The following DCAF6 variants were observed in gnomAD, a reference collection of about 807,000 sequenced individuals.
DCAF6 encodes DDB1- and CUL4-associated factor 6.
In DCAF6, 54 loss-of-function variants were observed where a neutral mutation model predicts 125.1. The observed-to-expected ratio is 0.43, with a 90% CI of 0.35 to 0.54. DCAF6 has a LOEUF of 0.54. DCAF6 is among the 20% of genes least tolerant of loss of function. The probability of loss-of-function intolerance (pLI) is 0.01; values close to 1 mark genes in which losing one functional copy is unlikely to be tolerated. For missense variants in DCAF6, 934 were observed against 1,161.7 expected (o/e 0.80, Z 2.85); for synonymous variants, 371 against 390.4 (o/e 0.95, Z 0.58).
At chr1:167,936,271 A>C (rs1271589061), upstream of DCAF6, 1 of 208,764 alleles carries the variant, frequency 4.8e-6, no homozygotes, top group Non-Finnish European at 9.8e-6. Context: ...ATGTTGGAGA[A>C]GGGAAAGTGA....
intron 13 of DCAF6, 88 bp from the exon 14 acceptor site, chr1:168,042,937 C>T: frequency 2.2e-6 from 2 of 901,148 alleles, no homozygotes; most frequent in East Asian, 2.6e-5. Context: ...ATTTTTTGGT[C>T]TACCTTTCTA....
In DCAF6 at chr1:167,966,837, T is replaced by G. The variant is rs1676490115; in HGVS notation, c.252+116T>G. 28 of 652,052 alleles carry G rather than the reference T, an allele frequency of 4.3e-5. 2 individuals carry two copies. The South Asian group carries it at 5.6e-4, about 13-fold the overall frequency. The allele number at this position is 652,052 out of a possible 1,614,324, so 40.4% of individuals were successfully genotyped here. On this transcript the variant is annotated intron_variant, in intron 3 of 21. Transcript: ENST00000367840. ...ATTTATATTAGAATATCCTCCCTAT[T>G]TTGCTGAGGTTTATTGTATAATTTA...
chr1:167,954,504 G>A (rs1396997279), intron 2 of DCAF6, among the ~76,000 whole-genome samples: 1 of 151,708 alleles, frequency 6.6e-6, no homozygotes, highest in African/African-American at 2.4e-5. Flanking sequence ...CCAGGCTGGA[G>A]TGCAGTGGCA....
rs1272172200 is a variant in DCAF6 at position 168,016,258 on chromosome 1, C to T, written c.1549+307C>T. On this transcript the variant is annotated intron_variant, in intron 11 of 21. Transcript: ENST00000367840. The stretch of plus-strand genomic sequence containing the variant: ...TTTGAATAATTAGTGAATTTAGAGC[C>T]TGCATTGATCTTTCTATTGAAAGTT... Among the ~76,000 whole-genome samples, 4 of 152,260 alleles carry T rather than the reference C, an allele frequency of 2.6e-5. 1 individual carries two copies. In the South Asian group the frequency reaches 8.3e-4, roughly 32 times the overall value.
chr1:168,037,733 A>G (rs1572046021), intron 12 of DCAF6, among the ~76,000 whole-genome samples: 1 of 152,210 alleles, frequency 6.6e-6, no homozygotes, highest in African/African-American at 2.4e-5. Flanking sequence ...ACAATTAAAC[A>G]AATTCCTTGC....
In DCAF6 at chr1:168,008,744, A is replaced by G. The variant is rs377137944; in HGVS notation, c.1378+3951A>G. On this transcript the variant is annotated intron_variant, in intron 10 of 21. Coordinates refer to ENST00000367840, the MANE Select transcript of DCAF6 (RefSeq NM_001198956.2). ...TGTCTCTCTAGCCTCATCTCATTCA[A>G]TTTTCTCAGTACTTGATGATTGTTA... Among the ~76,000 whole-genome samples, 17 of 151,836 alleles carry G rather than the reference A, an allele frequency of 1.1e-4. No individual in the cohort carries two copies. The South Asian group carries it at 1.5e-3, about 13-fold the overall frequency.
intron 2 of DCAF6, among the ~76,000 whole-genome samples, chr1:167,965,650 CAG>C (rs1302614868): frequency 6.6e-6 from 1 of 151,944 alleles, no homozygotes; most frequent in Non-Finnish European, 1.5e-5. Context: ...TTTTTTGAGA[CAG>C]AGTCTTGCTC....
At chr1:168,025,750 A>G (rs985186696) in intron 12 of DCAF6, among the ~76,000 whole-genome samples, 30 of 152,192 alleles carry the variant, frequency 2.0e-4, no homozygotes, top group African/African-American at 7.0e-4. Context: ...GCTATAGTCT[A>G]TTCTCTACCG....
chr1:167,942,100 T>C (rs905447842), intron 1 of DCAF6, among the ~76,000 whole-genome samples: 7 of 152,212 alleles, frequency 4.6e-5, no homozygotes, highest in African/African-American at 1.7e-4. Context: ...AGTTTCGCTC[T>C]TGTCGCCCAG....
chr1:168,068,956 G>T (rs1328968850), intron 21 of DCAF6, among the ~76,000 whole-genome samples: 1 of 149,960 alleles, frequency 6.7e-6, no homozygotes, highest in East Asian at 1.9e-4. Flanking sequence ...TATAACAAAA[G>T]AAAAGGTCTA....
At position 168,075,471 on chromosome 1, in the gene DCAF6, AT is replaced by A. The variant is rs771987968; in HGVS notation, c.*39del. On this transcript the variant is annotated 3_prime_UTR_variant, in exon 22 of 22. Coordinates refer to ENST00000367840, the MANE Select transcript of DCAF6 (RefSeq NM_001198956.2). ...TTGGCAAGCACTTAAATGTTCTGAA[AT>A]TTGTATAAGACATTTATTATATTTT... 3 of 1,529,294 alleles carry A rather than the reference AT, an allele frequency of 2.0e-6. No individual in the cohort carries two copies. The South Asian group carries it at 3.8e-5, about 19-fold the overall frequency. The allele number at this position is 1,529,294 out of a possible 1,614,324, so 94.7% of individuals were successfully genotyped here.
intron 12 of DCAF6, among the ~76,000 whole-genome samples, chr1:168,033,035 CAT>C (rs369247764): frequency 5.3e-5 from 8 of 151,758 alleles, no homozygotes; most frequent in South Asian, 2.1e-4. Flanking sequence ...ATGGTTATCA[CAT>C]GTGTTTTTGT....
At chr1:167,878,596 A>C in the DCAF6 span, 1 of 1,614,074 alleles carries the variant, frequency 6.2e-7, no homozygotes, top group Non-Finnish European at 8.5e-7. Context: ...TGGGTAGTAC[A>C]TCATCATCCT....
upstream of DCAF6, among the ~76,000 whole-genome samples, chr1:167,933,052 T>C (rs1670956614): frequency 6.6e-6 from 1 of 151,906 alleles, no homozygotes. Flanking sequence ...TGGCAGATCA[T>C]GACATGCCAG....
At chr1:167,896,001 T>A in the DCAF6 span, among the ~76,000 whole-genome samples, 1 of 152,210 alleles carries the variant, frequency 6.6e-6, no homozygotes, top group Non-Finnish European at 1.5e-5. Context: ...GAGAAGGTAG[T>A]GTCCAAGAAA....
chr1:167,905,015 G>A, the DCAF6 span: 3 of 1,614,126 alleles, frequency 1.9e-6, no homozygotes, highest in South Asian at 3.3e-5. Flanking sequence ...CAAACATCAG[G>A]ACTCCGTCAA....
At chr1:167,952,811 C>G (rs2102722040) in intron 2 of DCAF6, among the ~76,000 whole-genome samples, 1 of 152,274 alleles carries the variant, frequency 6.6e-6, no homozygotes, top group South Asian at 2.1e-4. Context: ...AGTTGCATGT[C>G]TAATAGGCAT....
At chr1:167,971,021 A>G (rs1677224576) in intron 3 of DCAF6, among the ~76,000 whole-genome samples, 1 of 152,152 alleles carries the variant, frequency 6.6e-6, no homozygotes, top group African/African-American at 2.4e-5. Context: ...TATATACTGT[A>G]TACATGATTT....
chr1:167,901,142 AAT>A, the DCAF6 span, among the ~76,000 whole-genome samples: 190 of 152,330 alleles, frequency 1.2e-3, no homozygotes, highest in Non-Finnish European at 2.3e-3. Flanking sequence ...GTAATAAGGA[AAT>A]ATGTGTGACT....
Sources: gnomAD v4.1 joint callset for allele counts (sites outside exome capture counted in the v4.1 genomes callset) on GRCh38, gnomAD v4.1.1 for gene constraint, MANE v1.5 for transcripts, NCBI Gene and HGNC (gene_info 2026-07-23, HGNC 2026-07-21) for gene names.